FBXO8: variants seen among roughly 807,000 people sequenced by gnomAD.
The protein encoded by FBXO8 is F-box protein 8, also known as F-box only protein 8.
Under a neutral mutation model 33.4 loss-of-function variants are expected in FBXO8, and 15 were observed. The observed-to-expected ratio is 0.45, with a 90% CI of 0.30 to 0.69. The LOEUF (loss-of-function observed/expected upper bound fraction) is 0.69. Among genes scored for constraint, FBXO8 ranks in the 30% least tolerant of loss-of-function variants. FBXO8 has a pLI of 0.08. For synonymous variants in FBXO8, 132 were observed against 131.5 expected, an observed-to-expected ratio of 1.00 and a Z score of -0.02; for missense variants, 274 against 380.3, an observed-to-expected ratio of 0.72 and a Z score of 2.32.
intron 2 of FBXO8, among the ~76,000 whole-genome samples, chr4:174,260,907 C>T (rs1371100155): frequency 6.6e-6 from 1 of 151,918 alleles, no homozygotes; most frequent in African/African-American, 2.4e-5. Flanking sequence ...TTCTTATATT[C>T]ATTATTAATT....
At position 174,236,684 on chromosome 4, in the gene FBXO8, T is replaced by C. The variant is rs1171297983; in HGVS notation, c.*728A>G. ...TTACCAGAGTTCTAATAATATTTTATTTTATTCCTATGAATGTAAATCATA... is the reference window on the plus strand; with the variant it reads ...TTACCAGAGTTCTAATAATATTTTACTTTATTCCTATGAATGTAAATCATA... On this transcript the variant is annotated 3_prime_UTR_variant, in exon 6 of 6. Coordinates refer to ENST00000393674, the MANE Select transcript of FBXO8 (RefSeq NM_012180.3). 1.3e-5 allele frequency: 2 copies of C among 152,188 alleles called. No homozygotes were observed. The highest frequency in any genetic ancestry group is 2.1e-4 in the South Asian group (1 of 4,830). 9.4% of individuals were successfully genotyped at this position (152,188 alleles called of 1,614,324 possible). A position where few individuals can be genotyped will look rare whatever the true frequency, so the allele number is the denominator to read the frequency against.
intron 1 of FBXO8, among the ~76,000 whole-genome samples, chr4:174,273,726 T>A (rs1007102907): frequency 6.6e-6 from 1 of 152,210 alleles, no homozygotes; most frequent in African/African-American, 2.4e-5. Flanking sequence ...GGCTAAAAAG[T>A]ATTCAAGGGT....
Position 174,259,956 on chromosome 4 carries a change from T to G in FBXO8, c.330-131A>C. On this transcript the variant is annotated intron_variant, in intron 2 of 5. Coordinates refer to ENST00000393674, the MANE Select transcript of FBXO8 (RefSeq NM_012180.3). This position sits in a 1 kb window ranked among gnomAD's most constrained non-coding sequence, Gnocchi z 4.3. ...TTATAGTTCTAAAGTTTAAAATTTT[T>G]AAGTTTGTACTTGTTTTCTATTTGT... 1 of 1,022,442 alleles carries G rather than the reference T, an allele frequency of 9.8e-7. No homozygotes were observed. The highest frequency in any genetic ancestry group is 1.4e-6 in the Non-Finnish European group (1 of 725,188). The allele number at this position is 1,022,442 out of a possible 1,614,324, so 63.3% of individuals were successfully genotyped here. A position where few individuals can be genotyped will look rare whatever the true frequency, so the allele number is the denominator to read the frequency against.
In FBXO8 at chr4:174,237,256, TA is replaced by T; in HGVS notation, c.*155del. On this transcript the variant is annotated 3_prime_UTR_variant, in exon 6 of 6. Coordinates refer to ENST00000393674, the MANE Select transcript of FBXO8 (RefSeq NM_012180.3). This position sits in a 1 kb window ranked among gnomAD's most constrained non-coding sequence, Gnocchi z 4.4. ...TTATTTAGTTCCCCAAGGAAATTAC[TA>T]AAATAGAAAATGGCAAAAGAAAAAA... 1.7e-6 allele frequency: 1 copy of T among 586,600 alleles called. No homozygotes were observed. The highest frequency in any genetic ancestry group is 2.8e-6 in the Non-Finnish European group (1 of 355,662). The allele number at this position is 586,600 out of a possible 1,614,324, so 36.3% of individuals were successfully genotyped here. A position where few individuals can be genotyped will look rare whatever the true frequency, so the allele number is the denominator to read the frequency against.
rs1221494623 is a variant in FBXO8 at position 174,239,145 on chromosome 4, A to AGG, written c.620_621insCC (p.Gln208LeufsTer8). ...CTCTCAGTGCATTTGGCAAGAACTG[A>AGG]TTTCTAAAATTATGCAATGTTACAA... is the stretch of plus-strand genomic sequence containing the variant. On this transcript the variant is annotated frameshift_variant, in exon 5 of 6. Transcript: ENST00000393674. LOFTEE classifies it high-confidence loss of function. The AGG allele has an allele frequency of 6.3e-7, 1 of 1,595,632 alleles. No individual in the cohort carries two copies. The highest frequency in any genetic ancestry group is 1.4e-5 in the African/African-American group (1 of 74,044).
In FBXO8 at chr4:174,237,552, G is replaced by A. The variant is rs1198707853; in HGVS notation, c.820C>T (p.Leu274Phe). The change falls in exon 6 of 6, where the codon CTC becomes TTC. Residue 274 changes from leucine to phenylalanine, a missense_variant. Around this residue, in one of 2 missense-constraint regions of FBXO8, gnomAD observed 186 missense variants for 293.4 expected, o/e 0.63. Transcript: ENST00000393674. This position sits in a 1 kb window ranked among gnomAD's most constrained non-coding sequence, Gnocchi z 4.4. ...CYSLILLSID[L>F]TSPHVKNKMS... ...TTATTCTTCACATGAGGGCTAGTGA[G>A]GTCAATGGAAAGTAGAATCAAAGAG... The A allele has an allele frequency of 6.2e-7, 1 of 1,613,356 alleles. No homozygotes were observed. Among genetic ancestry groups the A allele is most frequent in the Non-Finnish European group, 8.5e-7 (1 of 1,179,602 alleles).
At position 174,255,428 on chromosome 4, in the gene FBXO8, C is replaced by T. The variant is rs991546625; in HGVS notation, c.456+4271G>A. Among the ~76,000 whole-genome samples, 2 of 151,994 alleles carry T rather than the reference C, an allele frequency of 1.3e-5. No homozygotes were observed. The highest frequency in any genetic ancestry group is 1.3e-4 in the Admixed American group (2 of 15,254). On this transcript the variant is annotated intron_variant, in intron 3 of 5. Coordinates refer to ENST00000393674, the MANE Select transcript of FBXO8 (RefSeq NM_012180.3). The surrounding 1 kb of genome is among the most constrained non-coding windows in gnomAD (Gnocchi z 4.3). ...TTAGCTGGTCCAATAACAAAAATAA[C>T]ATGTTATCTTGAAAATAAGTTGCAT...
chr4:174,259,595 T>C lies in FBXO8; in HGVS notation c.456+104A>G, dbSNP rs1057369612. On this transcript the variant is annotated intron_variant, in intron 3 of 5. Transcript: ENST00000393674. The surrounding 1 kb of genome is among the most constrained non-coding windows in gnomAD (Gnocchi z 4.3). ...GGTTTTCTCAGTGATCAAAAAAGCA[T>C]GTTCAATGACTTTTTGTTTTCCCTG... is the stretch of plus-strand genomic sequence containing the variant. The C allele has an allele frequency of 1.4e-6, 2 of 1,405,004 alleles. No homozygotes were observed. The highest frequency in any genetic ancestry group is 2.0e-6 in the Non-Finnish European group (2 of 1,024,726). 87.0% of individuals were successfully genotyped at this position (1,405,004 alleles called of 1,614,324 possible).
chr4:174,256,907 C>A lies in FBXO8; in HGVS notation c.456+2792G>T, dbSNP rs961138372. ...TGTTCCAGAGTATCTTTAAATCAGG[C>A]CAGGGAGTAAAAAAAAAAGAAAATA... On this transcript the variant is annotated intron_variant, in intron 3 of 5. Transcript: ENST00000393674. This position sits in a 1 kb window ranked among gnomAD's most constrained non-coding sequence, Gnocchi z 4.6. Among the ~76,000 whole-genome samples, 1 of 150,556 alleles carries A rather than the reference C, an allele frequency of 6.6e-6. No individual in the cohort carries two copies. The highest frequency in any genetic ancestry group is 6.6e-5 in the Admixed American group (1 of 15,116).
rs542735537 is a variant in FBXO8 at position 174,263,454 on chromosome 4, T to C, written c.-8-354A>G. 6.6e-6 allele frequency among the ~76,000 whole-genome samples: 1 copy of C among 152,300 alleles called. No homozygotes were observed. The highest frequency in any genetic ancestry group is 2.1e-4 in the South Asian group (1 of 4,830). On this transcript the variant is annotated intron_variant, in intron 1 of 5. Coordinates refer to ENST00000393674, the MANE Select transcript of FBXO8 (RefSeq NM_012180.3). The surrounding 1 kb of genome is among the most constrained non-coding windows in gnomAD (Gnocchi z 4.2). ...TGTGGACTTATGGGCCAGTATTAAA[T>C]ACAGCTCTGATCAGAGCACGGACTT... is the stretch of plus-strand genomic sequence containing the variant.
Position 174,237,435 on chromosome 4 carries a change from G to C in FBXO8, c.937C>G (p.Leu313Val). ...TTTTATGCAGCCACATGGCCAATAA[G>C]GTAGATATTGTCATAAAGATGCCCT... ...FVGHLYDNIYLIGHVAA is the reference protein window; with the variant it reads ...FVGHLYDNIYVIGHVAA The change falls in exon 6 of 6, where the codon CTT becomes GTT. Residue 313 changes from leucine (L) to valine (V), a missense_variant. Physicochemically the swap from Leu to Val is conservative, Grantham distance 32 (BLOSUM62 1). Around this residue, in one of 2 missense-constraint regions of FBXO8, gnomAD observed 186 missense variants for 293.4 expected, o/e 0.63. Transcript: ENST00000393674. This position sits in a 1 kb window ranked among gnomAD's most constrained non-coding sequence, Gnocchi z 4.4. The C allele has an allele frequency of 6.2e-7, 1 of 1,613,238 alleles. No individual in the cohort carries two copies. The highest frequency in any genetic ancestry group is 8.5e-7 in the Non-Finnish European group (1 of 1,179,428).
chr4:174,263,623 CTG>C lies in FBXO8; in HGVS notation c.-8-525_-8-524del, dbSNP rs1352589888. On this transcript the variant is annotated intron_variant, in intron 1 of 5. Coordinates refer to ENST00000393674, the MANE Select transcript of FBXO8 (RefSeq NM_012180.3). The surrounding 1 kb of genome is among the most constrained non-coding windows in gnomAD (Gnocchi z 4.2). ...TGCCAGTCTACACTTACATTGTAGACTGTAATAAAATGTAACATAGGCCCTGA... is the reference window on the plus strand; with the variant it reads ...TGCCAGTCTACACTTACATTGTAGACTAATAAAATGTAACATAGGCCCTGA... Among the ~76,000 whole-genome samples the C allele has an allele frequency of 6.6e-6, 1 of 152,082 alleles. No homozygotes were observed. Among genetic ancestry groups the C allele is most frequent in the Non-Finnish European group, 1.5e-5 (1 of 68,016 alleles).
At chr4:174,264,904 G>A (rs1736656677) in intron 1 of FBXO8, among the ~76,000 whole-genome samples, 1 of 151,632 alleles carries the variant, frequency 6.6e-6, no homozygotes, top group Non-Finnish European at 1.5e-5. Flanking sequence ...CAAAATATGT[G>A]AAGAACTCTT....
In FBXO8 at chr4:174,241,192, ACC is replaced by A; in HGVS notation, c.481_482del (p.Gly161TyrfsTer4). 1 of 1,608,902 alleles carries A rather than the reference ACC, an allele frequency of 6.2e-7. No individual in the cohort carries two copies. Among genetic ancestry groups the A allele is most frequent in the Admixed American group, 1.7e-5 (1 of 59,664 alleles). The part of the protein sequence containing the change: ...DEGVNYFMSK[G>X]ILDDSPKEIA... ...TTTCCTTTGGCGAATCATCCAGGAT[ACC>A]CTTGGACATAAAGTAGTTCACTCCC... On this transcript the variant is annotated frameshift_variant, in exon 4 of 6. Coordinates refer to ENST00000393674, the MANE Select transcript of FBXO8 (RefSeq NM_012180.3). LOFTEE classifies it high-confidence loss of function. The surrounding 1 kb of genome is among the most constrained non-coding windows in gnomAD (Gnocchi z 4.2).
Position 174,253,204 on chromosome 4 carries a change from C to T in FBXO8, c.456+6495G>A, listed in dbSNP as rs1460910970. The stretch of plus-strand genomic sequence containing the variant: ...GAGTTATAAGCCTTGGCCATGTAGG[C>T]CCAGTGTGATTTTTAAAAAATTACT... On this transcript the variant is annotated intron_variant, in intron 3 of 5. Coordinates refer to ENST00000393674, the MANE Select transcript of FBXO8 (RefSeq NM_012180.3). This position sits in a 1 kb window ranked among gnomAD's most constrained non-coding sequence, Gnocchi z 4.5. Among the ~76,000 whole-genome samples the T allele has an allele frequency of 3.9e-5, 6 of 152,120 alleles. No homozygotes were observed. Among genetic ancestry groups the T allele is most frequent in the Non-Finnish European group, 8.8e-5 (6 of 68,014 alleles).
intron 3 of FBXO8, among the ~76,000 whole-genome samples, chr4:174,242,963 C>A (rs1678811653): frequency 6.6e-6 from 1 of 151,562 alleles, no homozygotes; most frequent in Non-Finnish European, 1.5e-5. Context: ...ATACCTAAAT[C>A]AGTATCTGAG....
Position 174,272,508 on chromosome 4 carries a change from C to T in FBXO8, c.-8-9408G>A, listed in dbSNP as rs72702244. 0.088 allele frequency among the ~76,000 whole-genome samples: 13,408 copies of T among 151,972 alleles called. 620 individuals are homozygous for T. The highest frequency in any genetic ancestry group is 0.11 in the Non-Finnish European group (7,294 of 67,978). Reference sequence around the variant, plus strand: ...ATGCAGATCCACAAATACTGAGGACCAACTGTATAATCCATTACATAAAAA... The same window carrying T: ...ATGCAGATCCACAAATACTGAGGACTAACTGTATAATCCATTACATAAAAA... On this transcript the variant is annotated intron_variant, in intron 1 of 5. Transcript: ENST00000393674. This position sits in a 1 kb window ranked among gnomAD's most constrained non-coding sequence, Gnocchi z 4.7.
intron 1 of FBXO8, among the ~76,000 whole-genome samples, chr4:174,266,327 T>C (rs945107714): frequency 3.9e-4 from 60 of 152,146 alleles, no homozygotes; most frequent in African/African-American, 1.4e-3. Context: ...ACTGCAAAAT[T>C]ATACCTTATT....
rs571284505 is a variant in FBXO8 at position 174,270,111 on chromosome 4, C to T, written c.-8-7011G>A. The stretch of plus-strand genomic sequence containing the variant: ...ATGGCTACTGAATGTGGACTGGCAA[C>T]CAAACTGTGCGACCTTGAACACTCA... On this transcript the variant is annotated intron_variant, in intron 1 of 5. Coordinates refer to ENST00000393674, the MANE Select transcript of FBXO8 (RefSeq NM_012180.3). This position sits in a 1 kb window ranked among gnomAD's most constrained non-coding sequence, Gnocchi z 4.6. Among the ~76,000 whole-genome samples, 1 of 152,270 alleles carries T rather than the reference C, an allele frequency of 6.6e-6. No homozygotes were observed. The highest frequency in any genetic ancestry group is 1.5e-5 in the Non-Finnish European group (1 of 68,008).
Sources: gnomAD v4.1 joint callset for allele counts (sites outside exome capture counted in the v4.1 genomes callset) on GRCh38, gnomAD v4.1.1 for gene constraint, gnomAD v4.1.1 regional missense constraint, Gnocchi (gnomAD v3.1) non-coding constraint, MANE v1.5 for transcripts, NCBI Gene and HGNC (gene_info 2026-07-23, HGNC 2026-07-21) for gene names.